DCAF7: variants seen among roughly 807,000 people sequenced by gnomAD.
DCAF7 encodes the protein DDB1 and CUL4 associated factor 7, also known as DDB1- and CUL4-associated factor 7.
In DCAF7, 4 loss-of-function variants were observed where a neutral mutation model predicts 41.2. The observed-to-expected ratio is 0.10, with a 90% CI of 0.05 to 0.22. The LOEUF is 0.22. DCAF7 is among the 10% of genes least tolerant of loss of function. DCAF7 has a pLI of 1.00. For synonymous variants in DCAF7, 143 were observed against 164.2 expected (o/e 0.87, Z 0.99); for missense variants, 131 against 443.2 (o/e 0.30, Z 6.32).
At chr17:63,567,114 C>A (rs536134027) in intron 1 of DCAF7, among the ~76,000 whole-genome samples, 4 of 151,888 alleles carry the variant, frequency 2.6e-5, no homozygotes, top group Non-Finnish European at 5.9e-5. Flanking sequence ...CCTATTTATG[C>A]TTTTTTAAAA....
chr17:63,580,694 T>C (rs1448696205), intron 4 of DCAF7, among the ~76,000 whole-genome samples: 1 of 151,912 alleles, frequency 6.6e-6, no homozygotes, highest in Non-Finnish European at 1.5e-5. Context: ...AATTTTTGTA[T>C]TTTTTAGCAG....
intron 6 of DCAF7, among the ~76,000 whole-genome samples, chr17:63,588,149 A>ATTACCATCT (rs2033696797): frequency 6.8e-6 from 1 of 147,218 alleles, no homozygotes; most frequent in African/African-American, 2.6e-5. Flanking sequence ...ATTTAAAGTG[A>ATTACCATCT]TTACCATCTT....
intron 6 of DCAF7, among the ~76,000 whole-genome samples, chr17:63,587,932 G>T (rs1290165473): frequency 6.7e-6 from 1 of 148,936 alleles, no homozygotes; most frequent in Non-Finnish European, 1.5e-5. Flanking sequence ...GTTGCAGTGA[G>T]CCGAGATTGC....
chr17:63,567,629 G>A (rs1402313435), intron 1 of DCAF7, among the ~76,000 whole-genome samples: 1 of 152,188 alleles, frequency 6.6e-6, no homozygotes, highest in African/African-American at 2.4e-5. Context: ...ACATTGTTTT[G>A]TAACAGTACA....
chr17:63,557,144 T>C lies in DCAF7; in HGVS notation c.138+6329T>C, dbSNP rs146284402. Among the ~76,000 whole-genome samples the C allele has an allele frequency of 1.1e-3, 173 of 152,262 alleles. 1 individual carries two copies. Among genetic ancestry groups the C allele is most frequent in the African/African-American group, 4.1e-3 (172 of 41,548 alleles). On this transcript the variant is annotated intron_variant, in intron 1 of 6. Transcript: ENST00000614556. Reference sequence around the variant, plus strand: ...AGATAAAGTACCCATACTAAAAAGATGTCTTTAGCTTGGTTGAAAAATAAT... The same window carrying C: ...AGATAAAGTACCCATACTAAAAAGACGTCTTTAGCTTGGTTGAAAAATAAT...
Position 63,552,766 on chromosome 17 carries a change from G to A in DCAF7, c.138+1951G>A, listed in dbSNP as rs574221088. 2.3e-4 allele frequency among the ~76,000 whole-genome samples: 34 copies of A among 146,954 alleles called. 1 individual carries two copies. The South Asian group carries it at 7.0e-3, about 30-fold the overall frequency. ...TAGGCTGCTTGGTAGGATCAGTGGA[G>A]TAGTCAAACTGCTGTTGCAGGAACT... is the stretch of plus-strand genomic sequence containing the variant. On this transcript the variant is annotated intron_variant, in intron 1 of 6. Transcript: ENST00000614556.
chr17:63,559,796 C>T (rs575278166), intron 1 of DCAF7, among the ~76,000 whole-genome samples: 2 of 151,492 alleles, frequency 1.3e-5, no homozygotes, highest in South Asian at 2.1e-4. Context: ...AGTGGGACTC[C>T]GTCTCAAAGA....
intron 1 of DCAF7, among the ~76,000 whole-genome samples, chr17:63,557,250 A>G (rs962242327): frequency 6.6e-6 from 1 of 152,232 alleles, no homozygotes; most frequent in Non-Finnish European, 1.5e-5. Context: ...TGGGTAAAAT[A>G]AGGCATGGCA....
In DCAF7 at chr17:63,550,690, G is replaced by A; in HGVS notation, c.13G>A (p.Gly5Ser). ...CCCCGTGGCCACCATGTCCCTGCAC[G>A]GCAAACGGAAGGAGATCTACAAGTA... is the stretch of plus-strand genomic sequence containing the variant. Reference protein sequence around the residue: MSLHGKRKEIYKYEA... With the variant: MSLHSKRKEIYKYEA... Residue 5 changes from glycine (G) to serine (S), a missense_variant, in exon 1 of 7, where the codon GGC becomes AGC. Gly to Ser is a moderately conservative substitution (Grantham distance 56). Transcript: ENST00000614556. This position sits in a 1 kb window ranked among gnomAD's most constrained non-coding sequence, Gnocchi z 4.8. 1 of 1,613,444 alleles carries A rather than the reference G, an allele frequency of 6.2e-7. No individual in the cohort carries two copies. The highest frequency in any genetic ancestry group is 8.5e-7 in the Non-Finnish European group (1 of 1,179,760).
chr17:63,565,162 A>G (rs1388723264), intron 1 of DCAF7, among the ~76,000 whole-genome samples: 1 of 152,218 alleles, frequency 6.6e-6, no homozygotes, highest in Non-Finnish European at 1.5e-5. Flanking sequence ...AGTCCTTACA[A>G]ATCAATAAGA....
Position 63,584,471 on chromosome 17 carries a change from A to T in DCAF7, c.739-740A>T, listed in dbSNP as rs564481416. Among the ~76,000 whole-genome samples the T allele has an allele frequency of 1.2e-3, 182 of 152,010 alleles. 1 individual carries two copies. The highest frequency in any genetic ancestry group is 4.3e-3 in the African/African-American group (177 of 41,484). On this transcript the variant is annotated intron_variant, in intron 5 of 6. Transcript: ENST00000614556. ...AGATAGAGCAAGACTCCATCTGAAA[A>T]AAAAAAAAGGCCAGGCACGGTGGCT...
chr17:63,561,881 G>T (rs1449883798), intron 1 of DCAF7, among the ~76,000 whole-genome samples: 1 of 151,954 alleles, frequency 6.6e-6, no homozygotes, highest in Non-Finnish European at 1.5e-5. Context: ...AAACTTACAG[G>T]AAGGTGAGGA....
intron 1 of DCAF7, among the ~76,000 whole-genome samples, chr17:63,568,442 A>G (rs2147767673): frequency 6.6e-6 from 1 of 152,324 alleles, no homozygotes; most frequent in East Asian, 1.9e-4. Context: ...AGGTTAGTGC[A>G]AAGGTAATTT....
In DCAF7 at chr17:63,589,467, G is replaced by A. The variant is rs116425232; in HGVS notation, c.*295G>A. On this transcript the variant is annotated 3_prime_UTR_variant, in exon 7 of 7. Coordinates refer to ENST00000614556, the MANE Select transcript of DCAF7 (RefSeq NM_005828.5). ...ATGTGTGTATATTTGTTTGTCAGGC[G>A]TTGTGTTGAGGAGCAGTTCACGCAC... The A allele has an allele frequency of 5.9e-3, 2,459 of 418,788 alleles. 39 individuals are homozygous for A. The highest frequency in any genetic ancestry group is 0.043 in the African/African-American group (2,142 of 49,310). 25.9% of individuals were successfully genotyped at this position (418,788 alleles called of 1,614,324 possible).
At chr17:63,580,700 A>G (rs894731142) in intron 4 of DCAF7, among the ~76,000 whole-genome samples, 8 of 151,612 alleles carry the variant, frequency 5.3e-5, no homozygotes, top group Non-Finnish European at 1.5e-5. Context: ...TGTATTTTTT[A>G]GCAGAGACAG....
intron 2 of DCAF7, 127 bp downstream of exon 2, chr17:63,578,755 C>T (rs983416567): frequency 7.5e-6 from 10 of 1,332,744 alleles, no homozygotes; most frequent in South Asian, 1.3e-5. Context: ...GAGAAGCAAG[C>T]GAAGCTTAAA....
At chr17:63,551,775 G>A (rs1342949515) in intron 1 of DCAF7, among the ~76,000 whole-genome samples, 1 of 151,550 alleles carries the variant, frequency 6.6e-6, no homozygotes, top group Non-Finnish European at 1.5e-5. Context: ...GGCCGGGCGC[G>A]GTGGCTCACG....
chr17:63,564,136 TACACACACACAC>T (rs369218596), intron 1 of DCAF7, among the ~76,000 whole-genome samples: 1 of 147,972 alleles, frequency 6.8e-6, no homozygotes, highest in East Asian at 2.0e-4. Context: ...GTTAACTTTA[TACACACACACAC>T]ACACACACAC....
chr17:63,591,362 AAAT>A lies in DCAF7; in HGVS notation c.*2197_*2199del, dbSNP rs2033731884. 6.6e-6 allele frequency: 1 copy of A among 152,248 alleles called. No individual in the cohort carries two copies. Among genetic ancestry groups the A allele is most frequent in the African/African-American group, 2.4e-5 (1 of 41,444 alleles). 9.4% of individuals were successfully genotyped at this position (152,248 alleles called of 1,614,324 possible). On this transcript the variant is annotated 3_prime_UTR_variant, in exon 7 of 7. Transcript: ENST00000614556. ...ACTCAGAAACAACAACTTGAAAAAA[AAAT>A]AATAATTAGAACATATTTGCATAAG...
Sources: allele counts gnomAD v4.1 joint callset (sites outside exome capture counted in the v4.1 genomes callset), GRCh38; gene constraint gnomAD v4.1.1; non-coding constraint Gnocchi (gnomAD v3.1); transcripts MANE v1.5; gene names NCBI Gene and HGNC (gene_info 2026-07-23, HGNC 2026-07-21).